Variants in OR2L13 observed in about 807,000 individuals in gnomAD.
The protein encoded by OR2L13 is olfactory receptor family 2 subfamily L member 13.
A neutral mutation model predicts 15.3 loss-of-function variants in OR2L13; 14 were observed. The ratio of observed to expected loss-of-function variants is 0.91; its 90% CI spans 0.60 to 1.43. OR2L13 has a LOEUF of 1.43. Ranked by LOEUF, OR2L13 falls within the 40% of genes most tolerant of loss-of-function variation. The pLI is 0.00. For missense variants in OR2L13, 367 were observed against 387.9 expected (o/e 0.95, Z 0.45); for synonymous variants, 152 against 142.9 (o/e 1.06, Z -0.45).
the OR2L13 span, among the ~76,000 whole-genome samples, chr1:247,991,922 G>A: frequency 6.0e-3 from 891 of 149,634 alleles, 77 homozygotes; most frequent in African/African-American, 0.02. Context: ...AGGAGAGGAG[G>A]CAAGAAGGAA....
At chr1:247,973,852 T>C in the OR2L13 span, among the ~76,000 whole-genome samples, 7 of 152,192 alleles carry the variant, frequency 4.6e-5, no homozygotes, top group Non-Finnish European at 1.0e-4. Context: ...AGTTCAACCA[T>C]TGTGGGAGAC....
At chr1:248,097,777 A>T (rs957869286) in intron 1 of OR2L13, among the ~76,000 whole-genome samples, 1 of 152,204 alleles carries the variant, frequency 6.6e-6, no homozygotes, top group African/African-American at 2.4e-5. Context: ...TTAAACCTGG[A>T]TTAAACAAAG....
At chr1:248,057,758 A>G in the OR2L13 span, among the ~76,000 whole-genome samples, 1 of 152,024 alleles carries the variant, frequency 6.6e-6, no homozygotes, top group African/African-American at 2.4e-5. Flanking sequence ...TTTTGTTACT[A>G]TTGGAAATAA....
upstream of OR2L13, among the ~76,000 whole-genome samples, chr1:248,090,421 T>C (rs188829824): frequency 6.2e-3 from 951 of 152,186 alleles, 13 homozygotes; most frequent in African/African-American, 0.022. Context: ...ACCCAGTAGG[T>C]GGTTTCTCAT....
At chr1:247,979,745 G>T in the OR2L13 span, among the ~76,000 whole-genome samples, 1,336 of 152,130 alleles carry the variant, frequency 8.8e-3, 73 homozygotes, top group Admixed American at 0.08. Context: ...TGTTGGTCCC[G>T]CTGGGAGATG....
the OR2L13 span, among the ~76,000 whole-genome samples, chr1:247,958,358 C>G: frequency 2.2e-4 from 34 of 152,084 alleles, no homozygotes; most frequent in Non-Finnish European, 4.0e-4. Flanking sequence ...TGCTTTACTT[C>G]CAACTATGTG....
the OR2L13 span, among the ~76,000 whole-genome samples, chr1:247,961,116 A>G: frequency 6.6e-6 from 1 of 152,232 alleles, no homozygotes; most frequent in Non-Finnish European, 1.5e-5. Context: ...GAGATATAAA[A>G]GAAACATTTT....
chr1:247,958,085 A>G, the OR2L13 span, among the ~76,000 whole-genome samples: 3 of 152,074 alleles, frequency 2.0e-5, no homozygotes, highest in African/African-American at 7.2e-5. Context: ...ATTTAGTGCT[A>G]TTAATTTCCC....
At chr1:247,953,371 A>G in the OR2L13 span, among the ~76,000 whole-genome samples, 1 of 152,186 alleles carries the variant, frequency 6.6e-6, no homozygotes, top group African/African-American at 2.4e-5. Flanking sequence ...ATCATGCGGT[A>G]TCTATGTATC....
chr1:247,970,263 G>C, the OR2L13 span, among the ~76,000 whole-genome samples: 176 of 151,886 alleles, frequency 1.2e-3, no homozygotes, highest in Non-Finnish European at 2.1e-3. Context: ...CATGACATTT[G>C]CCTGTCAATT....
At chr1:248,093,813 A>C (rs145723031), upstream of OR2L13, among the ~76,000 whole-genome samples, 75 of 152,290 alleles carry the variant, frequency 4.9e-4, 2 homozygotes, top group East Asian at 0.012. Context: ...TACATGAAAT[A>C]AGCCAGGCAC....
At chr1:248,006,242 T>G in the OR2L13 span, among the ~76,000 whole-genome samples, 2 of 127,212 alleles carry the variant, frequency 1.6e-5, no homozygotes, top group Non-Finnish European at 3.3e-5. Context: ...TATTGCAAGA[T>G]ATGTGTGTGT....
At chr1:248,004,525 C>G in the OR2L13 span, among the ~76,000 whole-genome samples, 18 of 152,074 alleles carry the variant, frequency 1.2e-4, no homozygotes, top group Non-Finnish European at 1.8e-4. Flanking sequence ...CTTAACGTAC[C>G]AGTTACTGTT....
chr1:248,018,077 C>T, the OR2L13 span, among the ~76,000 whole-genome samples: 1 of 151,366 alleles, frequency 6.6e-6, no homozygotes, highest in East Asian at 1.9e-4. Context: ...ATGGCGTGAA[C>T]CCGGGAGGCG....
the OR2L13 span, chr1:247,965,617 A>G: frequency 6.4e-7 from 1 of 1,558,572 alleles, no homozygotes; most frequent in Non-Finnish European, 8.7e-7. Context: ...AGTGCCCAAG[A>G]TGGCAGTCAG....
At chr1:248,066,461 A>T in the OR2L13 span, among the ~76,000 whole-genome samples, 1 of 152,206 alleles carries the variant, frequency 6.6e-6, no homozygotes, top group Non-Finnish European at 1.5e-5. Flanking sequence ...GAGAAAAAAT[A>T]GGCAATTATT....
the OR2L13 span, chr1:248,084,224 G>T: frequency 6.2e-7 from 1 of 1,611,812 alleles, no homozygotes; most frequent in Middle Eastern, 2.2e-4. Flanking sequence ...GTGGGTGGCA[G>T]ACAGCCGCAT....
the OR2L13 span, among the ~76,000 whole-genome samples, chr1:248,018,969 T>C: frequency 6.6e-6 from 1 of 152,216 alleles, no homozygotes; most frequent in Admixed American, 6.5e-5. Flanking sequence ...GTAGCATGTG[T>C]CACAATTTAT....
the OR2L13 span, among the ~76,000 whole-genome samples, chr1:248,037,422 A>G: frequency 6.6e-6 from 1 of 152,140 alleles, no homozygotes; most frequent in African/African-American, 2.4e-5. Flanking sequence ...TTACCTTCCC[A>G]TGCGTATGTT....
Sources: allele counts gnomAD v4.1 joint callset (sites outside exome capture counted in the v4.1 genomes callset), GRCh38; gene constraint gnomAD v4.1.1; transcripts MANE v1.5; gene names NCBI Gene and HGNC (gene_info 2026-07-23, HGNC 2026-07-21).